ESF1: variants seen among roughly 807,000 people sequenced by gnomAD.
ESF1 encodes ESF1 homolog.
Under a neutral mutation model 92.0 loss-of-function variants are expected in ESF1, and 58 were observed. That is an observed-to-expected ratio of 0.63 (90% CI 0.51 to 0.78). The LOEUF (loss-of-function observed/expected upper bound fraction) is 0.78. Ranked by LOEUF, ESF1 falls within the 30% of genes least tolerant of loss-of-function variation. The probability of loss-of-function intolerance (pLI) is 0.00; values close to 1 mark genes in which losing one functional copy is unlikely to be tolerated. For synonymous variants in ESF1, 321 were observed against 313.7 expected, an observed-to-expected ratio of 1.02 and a Z score of -0.24; for missense variants, 922 against 989.1, an observed-to-expected ratio of 0.93 and a Z score of 0.91.
At chr20:13,754,284 C>T (rs1366304163) in intron 9 of ESF1, among the ~76,000 whole-genome samples, 1 of 152,148 alleles carries the variant, frequency 6.6e-6, no homozygotes, top group Non-Finnish European at 1.5e-5. Context: ...AGGCTGAATA[C>T]CCCGCAATTC....
Position 13,714,949 on chromosome 20 carries a change from A to G in ESF1, c.2481T>C (p.Ala827=). The G allele has an allele frequency of 3.7e-6, 6 of 1,613,946 alleles. No individual in the cohort carries two copies. The highest frequency in any genetic ancestry group is 5.1e-6 in the Non-Finnish European group (6 of 1,179,904). Residue 827 remains alanine (A), a synonymous_variant, in exon 14 of 14, where the codon GCT becomes GCC. Coordinates refer to ENST00000617257, the MANE Select transcript of ESF1 (RefSeq NM_001276380.2). ...KESQRKSIDP[A]LSMLIKSIKT... is the part of the protein sequence containing the mutation. Reference sequence around the variant, plus strand: ...TTATAGATTTAATCAACATTGACAAAGCAGGATCAATGGACTTCCTTTGTG... The same window carrying G: ...TTATAGATTTAATCAACATTGACAAGGCAGGATCAATGGACTTCCTTTGTG...
chr20:13,756,661 T>C (rs1205323751), intron 9 of ESF1, among the ~76,000 whole-genome samples: 1 of 152,246 alleles, frequency 6.6e-6, no homozygotes, highest in South Asian at 2.1e-4. Context: ...GTTTTGACAC[T>C]GGTAGTTTTA....
At chr20:13,759,987 T>A (rs1295515155) in intron 8 of ESF1, 134 bp from the exon 9 acceptor site, 1 of 1,358,222 alleles carries the variant, frequency 7.4e-7, no homozygotes. Flanking sequence ...TTTCTGAATA[T>A]TAAATGAAAG....
intron 4 of ESF1, among the ~76,000 whole-genome samples, chr20:13,774,210 G>C (rs1178292861): frequency 6.6e-6 from 1 of 151,994 alleles, no homozygotes; most frequent in Non-Finnish European, 1.5e-5. Context: ...AATTACCCTA[G>C]AACAGTAGAC....
chr20:13,747,372 A>T (rs2050057418), intron 9 of ESF1, among the ~76,000 whole-genome samples: 1 of 152,046 alleles, frequency 6.6e-6, no homozygotes, highest in Non-Finnish European at 1.5e-5. Flanking sequence ...CACCCTGGCC[A>T]ACACGGTGAA....
At chr20:13,728,685 T>C (rs2049919580) in intron 10 of ESF1, among the ~76,000 whole-genome samples, 1 of 151,906 alleles carries the variant, frequency 6.6e-6, no homozygotes, top group African/African-American at 2.4e-5. Flanking sequence ...GCCAACACAG[T>C]GAAACCCCAT....
At chr20:13,751,407 AG>A (rs1379987137) in intron 9 of ESF1, among the ~76,000 whole-genome samples, 1 of 152,246 alleles carries the variant, frequency 6.6e-6, no homozygotes, top group East Asian at 1.9e-4. Flanking sequence ...TGCAAGTTTA[AG>A]GCATAGTTAT....
intron 10 of ESF1, among the ~76,000 whole-genome samples, chr20:13,731,430 G>A (rs967293186): frequency 1.3e-5 from 2 of 151,766 alleles, no homozygotes; most frequent in Non-Finnish European, 2.9e-5. Context: ...TACTCGGGAG[G>A]CTGAGGCAGG....
intron 10 of ESF1, among the ~76,000 whole-genome samples, chr20:13,731,831 A>G (rs1002613989): frequency 1.3e-5 from 2 of 152,228 alleles, no homozygotes; most frequent in Middle Eastern, 3.2e-3. Flanking sequence ...GAATGCTGGC[A>G]TCATGAAGCT....
intron 9 of ESF1, among the ~76,000 whole-genome samples, chr20:13,748,162 T>C (rs1978365422): frequency 6.6e-6 from 1 of 152,198 alleles, no homozygotes; most frequent in Non-Finnish European, 1.5e-5. Flanking sequence ...CTTATAAAGC[T>C]CTATTTCTAT....
chr20:13,742,197 T>C (rs552849319), intron 9 of ESF1, among the ~76,000 whole-genome samples: 2 of 152,060 alleles, frequency 1.3e-5, no homozygotes, highest in African/African-American at 4.8e-5. Context: ...CGAAACCCTG[T>C]CTCTACTAAA....
chr20:13,716,577 T>A (rs1386849858), intron 13 of ESF1, among the ~76,000 whole-genome samples: 1 of 152,056 alleles, frequency 6.6e-6, no homozygotes, highest in Non-Finnish European at 1.5e-5. Context: ...CTGGCTGTGC[T>A]GGATTAAAAG....
In ESF1 at chr20:13,771,058, G is replaced by C. The variant is rs148247926; in HGVS notation, c.1403+273C>G. Among the ~76,000 whole-genome samples the C allele has an allele frequency of 1.5e-3, 228 of 152,242 alleles. 1 individual carries two copies. The highest frequency in any genetic ancestry group is 1.6e-3 in the Non-Finnish European group (109 of 68,012). On this transcript the variant is annotated intron_variant, in intron 6 of 13. Coordinates refer to ENST00000617257, the MANE Select transcript of ESF1 (RefSeq NM_001276380.2). ...CTGGTTCCTAGCTCTAAAAGCAGTTGCAAGGAAATATTATTGTGTAAGGTA... is the reference window on the plus strand; with the variant it reads ...CTGGTTCCTAGCTCTAAAAGCAGTTCCAAGGAAATATTATTGTGTAAGGTA...
intron 9 of ESF1, among the ~76,000 whole-genome samples, chr20:13,759,165 C>T (rs1979040113): frequency 6.6e-6 from 1 of 152,092 alleles, no homozygotes; most frequent in African/African-American, 2.4e-5. Context: ...CAGAATGATC[C>T]CATTTATCCC....
chr20:13,766,827 T>G lies in ESF1; in HGVS notation c.1616A>C (p.Tyr539Ser), dbSNP rs771700105. ...TTCATCTTCACTAGAGGAAGCTAAGTAGGCTTGAAAATCCATGTCCAAAAG... is the reference window on the plus strand; with the variant it reads ...TTCATCTTCACTAGAGGAAGCTAAGGAGGCTTGAAAATCCATGTCCAAAAG... ...EELLDMDFQAYLASSSEDEEE... is the reference protein window; with the variant it reads ...EELLDMDFQASLASSSEDEEE... The change falls in exon 8 of 14, where the codon TAC (tyrosine) becomes TCC (serine). Residue 539 changes from tyrosine to serine, a missense_variant. Coordinates refer to ENST00000617257, the MANE Select transcript of ESF1 (RefSeq NM_001276380.2). 1.9e-6 allele frequency: 3 copies of G among 1,613,882 alleles called. No individual in the cohort carries two copies. The highest frequency in any genetic ancestry group is 2.5e-6 in the Non-Finnish European group (3 of 1,179,918).
intron 9 of ESF1, among the ~76,000 whole-genome samples, chr20:13,740,110 A>T (rs998738883): frequency 8.5e-5 from 13 of 152,134 alleles, no homozygotes; most frequent in African/African-American, 2.9e-4. Flanking sequence ...GCCCAAAATA[A>T]TCCAATCCAA....
intron 8 of ESF1, among the ~76,000 whole-genome samples, chr20:13,764,097 T>C (rs985390513): frequency 1.3e-5 from 2 of 152,160 alleles, no homozygotes; most frequent in African/African-American, 4.8e-5. Context: ...GCTATAAAAA[T>C]AATACATATA....
In ESF1 at chr20:13,759,855, T is replaced by C. The variant is rs754416910; in HGVS notation, c.1667-2A>G. On this transcript the variant is annotated splice_acceptor_variant, in intron 8 of 13. Coordinates refer to ENST00000617257, the MANE Select transcript of ESF1 (RefSeq NM_001276380.2). LOFTEE classifies it high-confidence loss of function. ...CTTCTACATTGACTCCATCATCACC[T>C]AATGAAAAAAAAATTCACTTAATAC... is the stretch of plus-strand genomic sequence containing the variant. 6.3e-7 allele frequency: 1 copy of C among 1,580,848 alleles called. No individual in the cohort carries two copies. The highest frequency in any genetic ancestry group is 8.5e-7 in the Non-Finnish European group (1 of 1,170,594).
intron 11 of ESF1, among the ~76,000 whole-genome samples, chr20:13,719,532 A>T (rs922057637): frequency 6.6e-6 from 1 of 152,100 alleles, no homozygotes; most frequent in Admixed American, 6.5e-5. Context: ...ATCATTAGAA[A>T]CAGAAAAGAT....
Sources: gnomAD v4.1 joint callset for allele counts (sites outside exome capture counted in the v4.1 genomes callset) on GRCh38, gnomAD v4.1.1 for gene constraint, MANE v1.5 for transcripts, NCBI Gene and HGNC (gene_info 2026-07-23, HGNC 2026-07-21) for gene names.